Variants in TNFAIP8L3 observed in about 807,000 individuals in gnomAD.
The protein encoded by TNFAIP8L3 is tumor necrosis factor alpha-induced protein 8-like protein 3.
TNFAIP8L3 carries 7 observed loss-of-function variants against 11.8 expected under a neutral mutation model. That is an observed-to-expected ratio of 0.59 (90% confidence interval 0.34 to 1.11). TNFAIP8L3 has a LOEUF of 1.11. Ranked by LOEUF, TNFAIP8L3 falls within the 50% of genes most tolerant of loss-of-function variation. The pLI, the probability that TNFAIP8L3 is intolerant of heterozygous loss-of-function variation, is 0.03. For synonymous variants in TNFAIP8L3, 98 were observed against 103.8 expected, an observed-to-expected ratio of 0.94 and a Z score of 0.34; for missense variants, 219 against 258.6, an observed-to-expected ratio of 0.85 and a Z score of 1.05.
At chr15:51,081,678 A>G (rs1052946243) in intron 1 of TNFAIP8L3, among the ~76,000 whole-genome samples, 13 of 152,228 alleles carry the variant, frequency 8.5e-5, no homozygotes, top group Admixed American at 7.2e-4. Context: ...AACAGAAAAC[A>G]AAACAAAACA....
chr15:51,085,337 C>T (rs567307551), intron 1 of TNFAIP8L3, among the ~76,000 whole-genome samples: 58 of 152,296 alleles, frequency 3.8e-4, no homozygotes, highest in African/African-American at 1.3e-3. Flanking sequence ...TACCAAATGC[C>T]TCTCAAGTAT....
intron 1 of TNFAIP8L3, among the ~76,000 whole-genome samples, chr15:51,081,190 C>T (rs1432511494): frequency 6.6e-6 from 1 of 152,096 alleles, no homozygotes; most frequent in Non-Finnish European, 1.5e-5. Flanking sequence ...CGGAGAGCAG[C>T]ATCTGGGCCT....
chr15:51,085,637 T>TA (rs1394857357), intron 1 of TNFAIP8L3, among the ~76,000 whole-genome samples: 49 of 148,402 alleles, frequency 3.3e-4, no homozygotes, highest in African/African-American at 1.2e-3. Flanking sequence ...TTTTTTTTTT[T>TA]AATTACATGT....
intron 1 of TNFAIP8L3, among the ~76,000 whole-genome samples, chr15:51,104,455 C>T (rs967153407): frequency 1.3e-5 from 2 of 152,228 alleles, no homozygotes; most frequent in Admixed American, 1.3e-4. Flanking sequence ...CCAGAGTCCA[C>T]GCAGCAAGGA....
At position 51,056,958 on chromosome 15, in the gene TNFAIP8L3, G is replaced by A. The variant is rs2065209203; in HGVS notation, c.*923C>T. 1 of 152,074 alleles carries A rather than the reference G, an allele frequency of 6.6e-6. No individual in the cohort carries two copies. Among genetic ancestry groups the A allele is most frequent in the African/African-American group, 2.4e-5 (1 of 41,382 alleles). 9.4% of individuals were successfully genotyped at this position (152,074 alleles called of 1,614,324 possible). ...AGAGTCTTGCTCTGTTGCCCAGGCT[G>A]GAGTACAGTGGCGTGATCTCAGCTC... On this transcript the variant is annotated 3_prime_UTR_variant, in exon 2 of 2. Coordinates refer to ENST00000637513, the MANE Select transcript of TNFAIP8L3 (RefSeq NM_001311175.2).
intron 1 of TNFAIP8L3, among the ~76,000 whole-genome samples, chr15:51,077,539 T>C (rs999352233): frequency 6.6e-6 from 1 of 152,190 alleles, no homozygotes; most frequent in Middle Eastern, 3.2e-3. Context: ...CTTCAATTGT[T>C]TGTACCCTGG....
chr15:51,060,344 G>A (rs2065234663), intron 1 of TNFAIP8L3, among the ~76,000 whole-genome samples: 1 of 152,224 alleles, frequency 6.6e-6, no homozygotes, highest in Non-Finnish European at 1.5e-5. Flanking sequence ...AGACTTTTGA[G>A]TAATCGTCCT....
chr15:51,084,399 GA>G (rs2065412959), intron 1 of TNFAIP8L3, among the ~76,000 whole-genome samples: 1 of 152,180 alleles, frequency 6.6e-6, no homozygotes, highest in Admixed American at 6.5e-5. Context: ...ATATTTGACT[GA>G]ATATTCAAGT....
At chr15:51,063,846 T>A (rs1177265758) in intron 1 of TNFAIP8L3, among the ~76,000 whole-genome samples, 1 of 152,084 alleles carries the variant, frequency 6.6e-6, no homozygotes, top group Non-Finnish European at 1.5e-5. Flanking sequence ...TGAAGGTGGA[T>A]TTGCATGTAG....
Position 51,094,627 on chromosome 15 carries a change from A to G in TNFAIP8L3, c.-32T>C. The G allele has an allele frequency of 6.9e-7, 1 of 1,442,932 alleles. No homozygotes were observed. Among genetic ancestry groups the G allele is most frequent in the Non-Finnish European group, 9.1e-7 (1 of 1,099,016 alleles). The allele number at this position is 1,442,932 out of a possible 1,614,324, so 89.4% of individuals were successfully genotyped here. Reference sequence around the variant, plus strand: ...GGCTGCTGGCTGGGCGTCCACGGCCACCCGCCCGTCTGCGGGGCGCTCGGG... The same window carrying G: ...GGCTGCTGGCTGGGCGTCCACGGCCGCCCGCCCGTCTGCGGGGCGCTCGGG... On this transcript the variant is annotated 5_prime_UTR_variant, in exon 1 of 2. Transcript: ENST00000637513. The surrounding 1 kb of genome is among the most constrained non-coding windows in gnomAD (Gnocchi z 4.4).
chr15:51,101,292 A>G (rs1219542383), intron 1 of TNFAIP8L3, among the ~76,000 whole-genome samples: 1 of 152,200 alleles, frequency 6.6e-6, no homozygotes, highest in East Asian at 1.9e-4. Context: ...AGACCTGTGT[A>G]GCCAGTTACC....
rs1030171979 is a variant in TNFAIP8L3 at position 51,057,532 on chromosome 15, G to T, written c.*349C>A. 1 of 199,600 alleles carries T rather than the reference G, an allele frequency of 5.0e-6. No individual in the cohort carries two copies. Among genetic ancestry groups the T allele is most frequent in the Admixed American group, 5.2e-5 (1 of 19,108 alleles). 12.4% of individuals were successfully genotyped at this position (199,600 alleles called of 1,614,324 possible). On this transcript the variant is annotated 3_prime_UTR_variant, in exon 2 of 2. Coordinates refer to ENST00000637513, the MANE Select transcript of TNFAIP8L3 (RefSeq NM_001311175.2). Reference sequence around the variant, plus strand: ...AATGCAGAGGACAGAGTCCTAACTGGTTAAGCTGGAAACCAAATCCATGTC... The same window carrying T: ...AATGCAGAGGACAGAGTCCTAACTGTTTAAGCTGGAAACCAAATCCATGTC...
intron 1 of TNFAIP8L3, among the ~76,000 whole-genome samples, chr15:51,062,576 G>T (rs112281002): frequency 6.6e-6 from 1 of 152,182 alleles, no homozygotes; most frequent in Admixed American, 6.5e-5. Context: ...CTGGACTCTT[G>T]CAGTCTGCCC....
chr15:51,074,089 T>C (rs2140970822), intron 1 of TNFAIP8L3, among the ~76,000 whole-genome samples: 1 of 152,374 alleles, frequency 6.6e-6, no homozygotes, highest in South Asian at 2.1e-4. Flanking sequence ...GCAACTATAC[T>C]CAAAAGTGAG....
chr15:51,068,492 AT>A (rs1326123610), intron 1 of TNFAIP8L3, among the ~76,000 whole-genome samples: 1 of 152,140 alleles, frequency 6.6e-6, no homozygotes, highest in Non-Finnish European at 1.5e-5. Flanking sequence ...TCCTGAAATA[AT>A]TAGCCCACTA....
intron 1 of TNFAIP8L3, among the ~76,000 whole-genome samples, chr15:51,101,072 A>G (rs2065547419): frequency 6.6e-6 from 1 of 152,150 alleles, no homozygotes; most frequent in South Asian, 2.1e-4. Context: ...CTATCCCTTA[A>G]TCTTGGCACC....
In TNFAIP8L3 at chr15:51,077,051, G is replaced by A. The variant is rs181724220; in HGVS notation, c.52+17493C>T. ...GGAATCCTCCTGCTTCTTTCTCACTGTGTAACACCTGGGGCATCGACCTTG... is the reference window on the plus strand; with the variant it reads ...GGAATCCTCCTGCTTCTTTCTCACTATGTAACACCTGGGGCATCGACCTTG... On this transcript the variant is annotated intron_variant, in intron 1 of 1. Coordinates refer to ENST00000637513, the MANE Select transcript of TNFAIP8L3 (RefSeq NM_001311175.2). 4.6e-5 allele frequency among the ~76,000 whole-genome samples: 7 copies of A among 152,190 alleles called. No individual in the cohort carries two copies. The East Asian group carries it at 1.3e-3, about 29-fold the overall frequency.
intron 1 of TNFAIP8L3, among the ~76,000 whole-genome samples, chr15:51,083,298 T>C (rs746822113): frequency 3.9e-5 from 6 of 152,316 alleles, no homozygotes; most frequent in Non-Finnish European, 7.4e-5. Context: ...TTTGGAACGA[T>C]GGACTGACGG....
At chr15:51,077,212 C>T (rs1159085626) in intron 1 of TNFAIP8L3, among the ~76,000 whole-genome samples, 1 of 152,216 alleles carries the variant, frequency 6.6e-6, no homozygotes, top group Non-Finnish European at 1.5e-5. Flanking sequence ...ACAGAGCGTG[C>T]GGTCAGCAGG....
Sources: allele counts gnomAD v4.1 joint callset (sites outside exome capture counted in the v4.1 genomes callset), GRCh38; gene constraint gnomAD v4.1.1; non-coding constraint Gnocchi (gnomAD v3.1); transcripts MANE v1.5; gene names NCBI Gene and HGNC (gene_info 2026-07-23, HGNC 2026-07-21).